CAPRIN1: variants seen among roughly 807,000 people sequenced by gnomAD.
CAPRIN1 encodes the protein cell cycle associated protein 1.
In CAPRIN1, 29 loss-of-function variants were observed where a neutral mutation model predicts 100.9. The observed-to-expected ratio is 0.29, with a 90% CI of 0.21 to 0.39. The LOEUF is 0.39. Ranked by LOEUF, CAPRIN1 falls within the 10% of genes least tolerant of loss-of-function variation. The probability of loss-of-function intolerance (pLI) is 1.00; values close to 1 mark genes in which losing one functional copy is unlikely to be tolerated. For missense variants in CAPRIN1, 795 were observed against 876.7 expected, an observed-to-expected ratio of 0.91 and a Z score of 1.18; for synonymous variants, 338 against 307.5, an observed-to-expected ratio of 1.10 and a Z score of -1.04.
intron 2 of CAPRIN1, 136 bp downstream of exon 2, chr11:34,052,772 C>T: frequency 7.1e-7 from 1 of 1,416,180 alleles, no homozygotes; most frequent in South Asian, 1.4e-5. Context: ...CCCTGGCCCA[C>T]ACGCCCCGTC....
intron 7 of CAPRIN1, among the ~76,000 whole-genome samples, chr11:34,082,305 A>C (rs1403712629): frequency 6.6e-6 from 1 of 151,896 alleles, no homozygotes; most frequent in African/African-American, 2.4e-5. Flanking sequence ...CTCCTGCCTC[A>C]GCCTCCTGAG....
chr11:34,067,323 A>G (rs1328363148), intron 2 of CAPRIN1, among the ~76,000 whole-genome samples: 5 of 152,130 alleles, frequency 3.3e-5, no homozygotes, highest in Non-Finnish European at 7.4e-5. Flanking sequence ...TCTGTAAAAG[A>G]GTCTTGAGAT....
rs1179397605 is a variant in CAPRIN1 at position 34,101,649 on chromosome 11, G to A, written c.*2282G>A. ...GTTATTTTACCATCACAGTTTAAAT[G>A]TATATCTTTTATGTCTCTACTCAGA... is the stretch of plus-strand genomic sequence containing the variant. On this transcript the variant is annotated 3_prime_UTR_variant, in exon 19 of 19. Coordinates refer to ENST00000341394, the MANE Select transcript of CAPRIN1 (RefSeq NM_005898.5). 6.6e-6 allele frequency among the ~76,000 whole-genome samples: 1 copy of A among 152,060 alleles called. No individual in the cohort carries two copies. The highest frequency in any genetic ancestry group is 1.5e-5 in the Non-Finnish European group (1 of 67,996).
At chr11:34,089,724 A>T (rs1252755254) in intron 12 of CAPRIN1, among the ~76,000 whole-genome samples, 1 of 152,222 alleles carries the variant, frequency 6.6e-6, no homozygotes, top group African/African-American at 2.4e-5. Context: ...GTTGGAATTC[A>T]GCAAATTTAT....
chr11:34,054,961 G>T (rs1358734012), intron 2 of CAPRIN1, among the ~76,000 whole-genome samples: 2 of 152,128 alleles, frequency 1.3e-5, no homozygotes, highest in East Asian at 1.9e-4. Context: ...TAATATAAAG[G>T]TAGGTGCTGA....
At chr11:34,059,900 T>A (rs1215672353) in intron 2 of CAPRIN1, among the ~76,000 whole-genome samples, 4 of 96,572 alleles carry the variant, frequency 4.1e-5, no homozygotes, top group Admixed American at 1.1e-4. Flanking sequence ...TTTTTTTTTT[T>A]AAGCTGGGTA....
intron 18 of CAPRIN1, chr11:34,097,992 T>G: frequency 8.2e-7 from 1 of 1,216,174 alleles, no homozygotes; most frequent in East Asian, 3.3e-5. Flanking sequence ...TAGAACATAT[T>G]CTCTTCTCAG....
chr11:34,063,589 G>C (rs888796440), intron 2 of CAPRIN1, among the ~76,000 whole-genome samples: 1 of 152,128 alleles, frequency 6.6e-6, no homozygotes, highest in African/African-American at 2.4e-5. Flanking sequence ...TACTGGGTGT[G>C]GTCACACCTC....
chr11:34,092,288 C>A (rs1346838556), intron 15 of CAPRIN1, among the ~76,000 whole-genome samples: 1 of 151,764 alleles, frequency 6.6e-6, no homozygotes, highest in Non-Finnish European at 1.5e-5. Flanking sequence ...ACTGAACTTA[C>A]ATAATATCCC....
chr11:34,070,013 T>C (rs1414502410), intron 2 of CAPRIN1, among the ~76,000 whole-genome samples: 1 of 152,212 alleles, frequency 6.6e-6, no homozygotes, highest in Non-Finnish European at 1.5e-5. Context: ...TGTACTTTGT[T>C]TCACAATTTT....
intron 7 of CAPRIN1, among the ~76,000 whole-genome samples, chr11:34,081,864 T>C (rs1851037754): frequency 6.6e-6 from 1 of 151,980 alleles, no homozygotes; most frequent in Admixed American, 6.6e-5. Flanking sequence ...CAGGCTGGAG[T>C]GCAGTGGCGC....
chr11:34,053,257 G>A, intron 2 of CAPRIN1: 1 of 557,328 alleles, frequency 1.8e-6, no homozygotes, highest in Non-Finnish European at 2.3e-6. Context: ...CATGCGATGG[G>A]CTCCCCTGCG....
intron 2 of CAPRIN1, among the ~76,000 whole-genome samples, chr11:34,068,587 A>G (rs1468942875): frequency 6.6e-6 from 1 of 152,186 alleles, no homozygotes; most frequent in Admixed American, 6.5e-5. Context: ...ATAGGTTCAT[A>G]ATTAAGGATT....
At chr11:34,076,514 A>G in intron 5 of CAPRIN1, 40 bp downstream of exon 5, 1 of 1,603,402 alleles carries the variant, frequency 6.2e-7, no homozygotes, top group Non-Finnish European at 8.5e-7. Context: ...CTGAGTATTT[A>G]AGTTGACAAC....
intron 4 of CAPRIN1, among the ~76,000 whole-genome samples, chr11:34,074,636 A>G (rs1026646832): frequency 5.3e-5 from 8 of 152,150 alleles, no homozygotes; most frequent in Admixed American, 3.9e-4. Context: ...TAACCCCAGC[A>G]CTTTGGAAGG....
In CAPRIN1 at chr11:34,073,148, TATATG is replaced by T. The variant is rs984204951; in HGVS notation, c.366+1163_366+1167del. ...AATTTGCTGAAACAAAAAAGTTTAT[TATATG>T]AGACAATGCAGTGTAGGGATTAAGA... On this transcript the variant is annotated intron_variant, in intron 4 of 18. Coordinates refer to ENST00000341394, the MANE Select transcript of CAPRIN1 (RefSeq NM_005898.5). 5.4e-4 allele frequency among the ~76,000 whole-genome samples: 82 copies of T among 151,418 alleles called. 1 individual carries two copies. The highest frequency in any genetic ancestry group is 1.8e-3 in the African/African-American group (74 of 40,688).
chr11:34,058,886 A>C (rs1434238683), intron 2 of CAPRIN1, among the ~76,000 whole-genome samples: 1 of 152,238 alleles, frequency 6.6e-6, no homozygotes, highest in Admixed American at 6.5e-5. Flanking sequence ...GAAGTGTGAC[A>C]ACCTTTTCAT....
chr11:34,098,596 A>T, intron 18 of CAPRIN1: 1 of 985,306 alleles, frequency 1.0e-6, no homozygotes, highest in Non-Finnish European at 1.2e-6. Flanking sequence ...ATACTAGTAG[A>T]AACTGGCCAG....
At chr11:34,074,451 G>T (rs1850868011) in intron 4 of CAPRIN1, among the ~76,000 whole-genome samples, 1 of 152,176 alleles carries the variant, frequency 6.6e-6, no homozygotes, top group African/African-American at 2.4e-5. Flanking sequence ...CCTGGCTCCA[G>T]CCTACCTTTT....
Sources: allele counts gnomAD v4.1 joint callset (sites outside exome capture counted in the v4.1 genomes callset), GRCh38; gene constraint gnomAD v4.1.1; transcripts MANE v1.5; gene names NCBI Gene and HGNC (gene_info 2026-07-23, HGNC 2026-07-21).